DCC: variants seen among roughly 807,000 people sequenced by gnomAD.
DCC encodes the protein netrin receptor DCC.
A neutral mutation model predicts 172.5 loss-of-function variants in DCC; 58 were observed. The ratio of observed to expected loss-of-function variants is 0.34; its 90% CI spans 0.27 to 0.42. DCC has a LOEUF of 0.42. DCC is among the 10% of genes least tolerant of loss of function. The pLI is 1.00. For missense variants in DCC, 1,740 were observed against 1,791.0 expected, an observed-to-expected ratio of 0.97 and a Z score of 0.51; for synonymous variants, 709 against 644.5, an observed-to-expected ratio of 1.10 and a Z score of -1.52.
At chr18:52,516,695 C>A (rs1238866683) in intron 1 of DCC, among the ~76,000 whole-genome samples, 1 of 152,162 alleles carries the variant, frequency 6.6e-6, no homozygotes, top group Non-Finnish European at 1.5e-5. Flanking sequence ...CTGAAAAGGT[C>A]ATTATTGCCT....
intron 2 of DCC, among the ~76,000 whole-genome samples, chr18:52,800,602 A>C (rs76113698): frequency 0.043 from 6,589 of 152,298 alleles, 220 homozygotes; most frequent in South Asian, 0.16. Context: ...GATAAAAAAT[A>C]ATCTTTGTGT....
rs561580630 is a variant in DCC at position 52,663,110 on chromosome 18, A to G, written c.92-88944A>G. On this transcript the variant is annotated intron_variant, in intron 1 of 28. Transcript: ENST00000442544. ...CTGATAAAACAAAGACAGTTAAAGA[A>G]TGTATTTCATGTCTTAGGAGAAACA... 5.9e-5 allele frequency among the ~76,000 whole-genome samples: 9 copies of G among 152,354 alleles called. No individual in the cohort carries two copies. The East Asian group carries it at 1.5e-3, about 26-fold the overall frequency.
chr18:53,505,484 T>C (rs2046160702), intron 27 of DCC, among the ~76,000 whole-genome samples: 1 of 151,902 alleles, frequency 6.6e-6, no homozygotes, highest in Admixed American at 6.5e-5. Flanking sequence ...AAAACTTCTT[T>C]TGGGGAGGGA....
chr18:52,948,065 AAAT>A (rs2040577028), intron 5 of DCC, among the ~76,000 whole-genome samples: 1 of 152,212 alleles, frequency 6.6e-6, no homozygotes, highest in South Asian at 2.1e-4. Flanking sequence ...TAGCTAAATA[AAAT>A]AATAGCAGTA....
chr18:52,974,163 G>A (rs894557918), intron 5 of DCC, among the ~76,000 whole-genome samples: 13 of 152,128 alleles, frequency 8.5e-5, no homozygotes, highest in African/African-American at 2.2e-4. Context: ...ACTAAGGTGT[G>A]TTCAATTAAG....
At chr18:52,858,246 C>T (rs1259191217) in intron 2 of DCC, among the ~76,000 whole-genome samples, 1 of 152,128 alleles carries the variant, frequency 6.6e-6, no homozygotes, top group Non-Finnish European at 1.5e-5. Flanking sequence ...TTTCTCAAGC[C>T]TCAAAGAAAT....
At chr18:53,213,324 T>TAAATATAAACTAG (rs1280666337) in intron 11 of DCC, among the ~76,000 whole-genome samples, 1 of 152,096 alleles carries the variant, frequency 6.6e-6, no homozygotes, top group African/African-American at 2.4e-5. Flanking sequence ...ATTACAACAT[T>TAAATATAAACTAG]AAATATAAAC....
chr18:52,474,206 T>TAGAGAGAGAGACAGAGAGAGAG (rs1491448947), intron 1 of DCC, among the ~76,000 whole-genome samples: 4 of 100,718 alleles, frequency 4.0e-5, no homozygotes, highest in African/African-American at 1.6e-4. Flanking sequence ...GTAACAGACC[T>TAGAGAGAGAGACAGAGAGAGAG]AGAGAGAGAG....
intron 8 of DCC, among the ~76,000 whole-genome samples, chr18:53,173,961 G>T (rs1476173672): frequency 2.0e-4 from 19 of 93,706 alleles, no homozygotes; most frequent in East Asian, 5.8e-4. Flanking sequence ...TAAAAGAACA[G>T]AAATTATAAC....
At chr18:53,252,420 A>C (rs2056449369) in intron 12 of DCC, among the ~76,000 whole-genome samples, 1 of 151,984 alleles carries the variant, frequency 6.6e-6, no homozygotes. Flanking sequence ...GTATGTTGAC[A>C]GAAAAATAGT....
At chr18:53,450,077 G>T (rs2045388527) in intron 22 of DCC, among the ~76,000 whole-genome samples, 1 of 151,380 alleles carries the variant, frequency 6.6e-6, no homozygotes, top group Non-Finnish European at 1.5e-5. Flanking sequence ...AGGTATTAGT[G>T]CTTCATTTCT....
chr18:52,879,293 G>T lies in DCC; in HGVS notation c.413-26751G>T, dbSNP rs115972425. On this transcript the variant is annotated intron_variant, in intron 2 of 28. Coordinates refer to ENST00000442544, the MANE Select transcript of DCC (RefSeq NM_005215.4). ...GGCTGTGTCTACATGAAACCTTAAG[G>T]TATTAAGCATTCATTTTTGTGCAGT... Among the ~76,000 whole-genome samples the T allele has an allele frequency of 1.1e-4, 17 of 151,740 alleles. No homozygotes were observed. In the East Asian group the frequency reaches 2.9e-3, roughly 26 times the overall value.
intron 1 of DCC, among the ~76,000 whole-genome samples, chr18:52,371,892 G>A (rs1216817238): frequency 3.3e-5 from 5 of 152,186 alleles, no homozygotes; most frequent in Non-Finnish European, 7.3e-5. Flanking sequence ...TGTTACCCAG[G>A]CAATGCTTTG....
At chr18:52,999,136 A>G (rs532032441) in intron 5 of DCC, among the ~76,000 whole-genome samples, 1 of 152,186 alleles carries the variant, frequency 6.6e-6, no homozygotes, top group Admixed American at 6.6e-5. Context: ...TGCTTTGTGC[A>G]GTGAAAGCCC....
intron 1 of DCC, among the ~76,000 whole-genome samples, chr18:52,569,134 A>T (rs1230793040): frequency 6.6e-6 from 1 of 152,222 alleles, no homozygotes; most frequent in Non-Finnish European, 1.5e-5. Context: ...GTTTATTGCC[A>T]GCTACATAGC....
intron 1 of DCC, among the ~76,000 whole-genome samples, chr18:52,499,098 G>A (rs2030920927): frequency 6.6e-6 from 1 of 152,066 alleles, no homozygotes; most frequent in Admixed American, 6.6e-5. Context: ...GCTTAAATTT[G>A]GCCTTATACA....
intron 2 of DCC, among the ~76,000 whole-genome samples, chr18:52,816,252 A>C (rs1021206704): frequency 2.0e-5 from 3 of 152,216 alleles, no homozygotes; most frequent in Non-Finnish European, 2.9e-5. Flanking sequence ...TGCAGGAAAA[A>C]GGGGAAATTT....
Position 53,534,535 on chromosome 18 carries a change from T to C in DCC, c.*3882T>C, listed in dbSNP as rs1457090627. ...ATTCAAAGCAACATTTTACTCATAA[T>C]TTGCATTTCTCTGGTGACTTTCAGA... On this transcript the variant is annotated 3_prime_UTR_variant, in exon 29 of 29. Transcript: ENST00000442544. 1.3e-5 allele frequency: 2 copies of C among 152,360 alleles called. No individual in the cohort carries two copies. Among genetic ancestry groups the C allele is most frequent in the East Asian group, 3.9e-4 (2 of 5,192 alleles). The allele number at this position is 152,360 out of a possible 1,614,324, so 9.4% of individuals were successfully genotyped here. A position where few individuals can be genotyped will look rare whatever the true frequency, so the allele number is the denominator to read the frequency against.
intron 19 of DCC, among the ~76,000 whole-genome samples, chr18:53,410,169 CTA>C (rs1441699881): frequency 6.6e-6 from 1 of 152,080 alleles, no homozygotes; most frequent in Non-Finnish European, 1.5e-5. Flanking sequence ...TTAGAACAAA[CTA>C]ATAATCAGGA....
Sources: allele counts gnomAD v4.1 joint callset (sites outside exome capture counted in the v4.1 genomes callset), GRCh38; gene constraint gnomAD v4.1.1; transcripts MANE v1.5; gene names NCBI Gene and HGNC (gene_info 2026-07-23, HGNC 2026-07-21).